The following MYOF variants were observed in gnomAD, a reference collection of about 807,000 sequenced individuals.
MYOF encodes fer-1-like 3, myoferlin.
MYOF carries 244 observed loss-of-function variants against 284.2 expected under a neutral mutation model. That is an observed-to-expected ratio of 0.86 (90% CI 0.77 to 0.95). The LOEUF (loss-of-function observed/expected upper bound fraction) is 0.95, where lower values mean the gene tolerates loss of function less well. Among genes scored for constraint, MYOF ranks in the 40% least tolerant of loss-of-function variants. MYOF has a pLI of 0.00. For missense variants in MYOF, 2,496 were observed against 2,560.6 expected (o/e 0.97, Z 0.54); for synonymous variants, 904 against 919.7 (o/e 0.98, Z 0.31).
chr10:93,401,773 C>A (rs1847303054), intron 11 of MYOF, among the ~76,000 whole-genome samples: 1 of 144,756 alleles, frequency 6.9e-6, no homozygotes, highest in South Asian at 2.4e-4. Context: ...TTATGAGCAC[C>A]AAATAGTAAG....
At chr10:93,409,226 A>G (rs1234072317) in intron 6 of MYOF, among the ~76,000 whole-genome samples, 1 of 152,236 alleles carries the variant, frequency 6.6e-6, no homozygotes. Context: ...TGCTGAGCCT[A>G]GTGATGAACT....
chr10:93,348,884 T>A (rs1488035204), intron 36 of MYOF, among the ~76,000 whole-genome samples: 1 of 152,146 alleles, frequency 6.6e-6, no homozygotes, highest in East Asian at 1.9e-4. Flanking sequence ...TGTCACTAGT[T>A]AGGACATAGT....
chr10:93,324,932 A>G (rs1330835635), intron 46 of MYOF, among the ~76,000 whole-genome samples: 1 of 151,832 alleles, frequency 6.6e-6, no homozygotes, highest in Non-Finnish European at 1.5e-5. Flanking sequence ...GGCACCCACC[A>G]CCGCGCCCAG....
intron 3 of MYOF, among the ~76,000 whole-genome samples, chr10:93,435,013 G>A (rs1849055253): frequency 6.6e-6 from 1 of 152,144 alleles, no homozygotes; most frequent in Non-Finnish European, 1.5e-5. Flanking sequence ...AGCAAATTGA[G>A]TTTTCAAGAA....
At chr10:93,340,657 C>G (rs1055294389) in intron 38 of MYOF, among the ~76,000 whole-genome samples, 2 of 152,144 alleles carry the variant, frequency 1.3e-5, no homozygotes, top group Non-Finnish European at 2.9e-5. Context: ...CATACAGGTA[C>G]CCCCCAGCCA....
chr10:93,420,442 A>G (rs1848313829), intron 5 of MYOF, among the ~76,000 whole-genome samples: 1 of 152,140 alleles, frequency 6.6e-6, no homozygotes, highest in Non-Finnish European at 1.5e-5. Context: ...CATCTTTGAC[A>G]ACACACACTT....
chr10:93,408,890 C>T lies in MYOF; in HGVS notation c.626G>A (p.Arg209Gln), dbSNP rs757752506. Residue 209 changes from arginine to glutamine, a missense_variant, in exon 7 of 54, where the codon CGA (arginine) becomes CAA (glutamine). This residue lies in a region of MYOF where 2,436 missense variants were observed against 2,480.7 expected (regional missense o/e 0.98). Coordinates refer to ENST00000359263, the MANE Select transcript of MYOF (RefSeq NM_013451.4). ...FQIRVRVIEG[R>Q]QLSGNNIRPV... ...CCTTATGTTGTTACCACTTAACTGT[C>T]GGCCCTCAATCACTCGGACGCGGAT... is the stretch of plus-strand genomic sequence containing the variant. 14 of 1,614,206 alleles carry T rather than the reference C, an allele frequency of 8.7e-6. No homozygotes were observed. The highest frequency in any genetic ancestry group is 2.2e-5 in the East Asian group (1 of 44,884).
At chr10:93,316,859 C>T (rs764431879) in intron 49 of MYOF, 46 bp from the exon 50 acceptor site, 11 of 1,506,728 alleles carry the variant, frequency 7.3e-6, no homozygotes, top group East Asian at 2.3e-5. Flanking sequence ...AAACACTCAC[C>T]TTTGGCTCCT....
At chr10:93,378,715 A>ATATATATATATATATATATATATG (rs1845974054) in intron 21 of MYOF, among the ~76,000 whole-genome samples, 1 of 137,222 alleles carries the variant, frequency 7.3e-6, no homozygotes. Context: ...ATATATATAT[A>ATATATATATATATATATATATATG]TGTATATATT....
At chr10:93,400,326 C>CTT (rs112023989) in intron 12 of MYOF, among the ~76,000 whole-genome samples, 1 of 67,082 alleles carries the variant, frequency 1.5e-5, no homozygotes, top group African/African-American at 4.0e-5. Context: ...TCTTCTTCTT[C>CTT]TTCTTTTTTT....
chr10:93,426,298 G>A (rs1242774159), intron 4 of MYOF, 140 bp from the exon 5 acceptor site: 2 of 780,280 alleles, frequency 2.6e-6, no homozygotes, highest in Non-Finnish European at 4.0e-6. Flanking sequence ...CTGGAAACGG[G>A]GAGAGGGACA....
intron 12 of MYOF, among the ~76,000 whole-genome samples, chr10:93,400,935 C>T (rs1175579158): frequency 6.6e-6 from 1 of 150,634 alleles, no homozygotes; most frequent in Non-Finnish European, 1.5e-5. Context: ...TCACGGCAAC[C>T]TCCGCCTCCT....
Position 93,372,975 on chromosome 10 carries a change from A to T in MYOF, c.2412T>A (p.Asn804Lys), listed in dbSNP as rs569246757. The change falls in exon 24 of 54, where the codon AAT becomes AAA. Residue 804 changes from asparagine to lysine, a missense_variant. Coordinates refer to ENST00000359263, the MANE Select transcript of MYOF (RefSeq NM_013451.4). ...TTTTCCCACAGTATTTTCCAGATGC[A>T]TTCTCACCACTGGTGGAGTACAAGA... Reference protein sequence around the residue: ...HQVLYSTSGENASGKYCGKTQ... With the variant: ...HQVLYSTSGEKASGKYCGKTQ... 6.2e-7 allele frequency: 1 copy of T among 1,614,206 alleles called. No individual in the cohort carries two copies. The highest frequency in any genetic ancestry group is 8.5e-7 in the Non-Finnish European group (1 of 1,180,034).
chr10:93,382,530 T>C (rs1315986315), intron 19 of MYOF, among the ~76,000 whole-genome samples: 1 of 152,230 alleles, frequency 6.6e-6, no homozygotes, highest in African/African-American at 2.4e-5. Context: ...TTTAAATTAC[T>C]GGTTTACTAA....
At chr10:93,465,286 G>T (rs926823465) in intron 1 of MYOF, among the ~76,000 whole-genome samples, 1 of 152,126 alleles carries the variant, frequency 6.6e-6, no homozygotes, top group East Asian at 1.9e-4. Flanking sequence ...TGCCTTGAAG[G>T]CTGAGACTAT....
At position 93,361,552 on chromosome 10, in the gene MYOF, G is replaced by A. The variant is rs771145712; in HGVS notation, c.2874C>T (p.Gly958=). 25 of 1,613,866 alleles carry A rather than the reference G, an allele frequency of 1.5e-5. No individual in the cohort carries two copies. Among genetic ancestry groups the A allele is most frequent in the South Asian group, 4.4e-5 (4 of 91,070 alleles). ...PAEDTYTDAN[G]DKAASPSELT... is the part of the protein sequence containing the mutation. ...ACTCGCTGGGTGATGCTGCTTTATC[G>A]CCGTTCTTACAAAACAAAAATAAAA... The change falls in exon 28 of 54, where the codon GGC becomes GGT. Residue 958 remains glycine, a synonymous_variant. Transcript: ENST00000359263.
chr10:93,311,697 G>GTCAC (rs2133711604), intron 51 of MYOF, among the ~76,000 whole-genome samples: 1 of 152,232 alleles, frequency 6.6e-6, no homozygotes, highest in South Asian at 2.1e-4. Flanking sequence ...AGGCAGCAAG[G>GTCAC]TCACCAACAA....
chr10:93,460,363 GA>G (rs907912565), intron 1 of MYOF, among the ~76,000 whole-genome samples: 4 of 152,344 alleles, frequency 2.6e-5, no homozygotes, highest in Admixed American at 1.3e-4. Flanking sequence ...TGGGGAGTGT[GA>G]AAAGATTCAT....
intron 19 of MYOF, among the ~76,000 whole-genome samples, chr10:93,386,908 C>T (rs532852448): frequency 4.6e-5 from 7 of 152,110 alleles, no homozygotes; most frequent in Non-Finnish European, 8.8e-5. Context: ...CAGATGAAAA[C>T]GTGTTCTGGG....
Sources: allele counts gnomAD v4.1 joint callset (sites outside exome capture counted in the v4.1 genomes callset), GRCh38; gene constraint gnomAD v4.1.1; regional missense constraint gnomAD v4.1.1; transcripts MANE v1.5; gene names NCBI Gene and HGNC (gene_info 2026-07-23, HGNC 2026-07-21).